CNTN5: variants seen among roughly 807,000 people sequenced by gnomAD.
The protein encoded by CNTN5 is contactin-5.
CNTN5 carries 77 observed loss-of-function variants against 129.1 expected under a neutral mutation model. The observed-to-expected ratio is 0.60, with a 90% CI of 0.50 to 0.72. The LOEUF (loss-of-function observed/expected upper bound fraction) is 0.72. CNTN5 is among the 30% of genes least tolerant of loss of function. CNTN5 has a pLI of 0.00. For missense variants in CNTN5, 1,478 were observed against 1,328.8 expected, an observed-to-expected ratio of 1.11 and a Z score of -1.75; for synonymous variants, 509 against 465.6, an observed-to-expected ratio of 1.09 and a Z score of -1.20.
chr11:100,316,597 T>G (rs1475846226), intron 21 of CNTN5, among the ~76,000 whole-genome samples: 1 of 152,186 alleles, frequency 6.6e-6, no homozygotes, highest in Non-Finnish European at 1.5e-5. Context: ...TTTCCTTTAT[T>G]TTCTAAATAA....
At chr11:100,343,177 G>A (rs1005181531) in intron 23 of CNTN5, among the ~76,000 whole-genome samples, 1 of 152,168 alleles carries the variant, frequency 6.6e-6, no homozygotes, top group Non-Finnish European at 1.5e-5. Context: ...AGTCATGTTG[G>A]AATACCTTGT....
At chr11:99,823,580 C>T (rs566415890) in intron 4 of CNTN5, among the ~76,000 whole-genome samples, 6 of 151,980 alleles carry the variant, frequency 3.9e-5, no homozygotes, top group East Asian at 3.9e-4. Context: ...TTTAAGTGCT[C>T]ATAGTTTATA....
At position 99,578,339 on chromosome 11, in the gene CNTN5, T is replaced by A. The variant is rs1054729275; in HGVS notation, c.55+22070T>A. On this transcript the variant is annotated intron_variant, in intron 3 of 24. Coordinates refer to ENST00000524871, the MANE Select transcript of CNTN5 (RefSeq NM_014361.4). ...CATGATTTATAATCCTTTGGGTATA[T>A]ACCCAGTAATGGGATAGTTGGGTCA... Among the ~76,000 whole-genome samples, 37 of 151,502 alleles carry A rather than the reference T, an allele frequency of 2.4e-4. No individual in the cohort carries two copies. In the Middle Eastern group the frequency reaches 0.01, roughly 42 times the overall value.
chr11:99,089,832 C>T (rs1866165945), intron 1 of CNTN5, among the ~76,000 whole-genome samples: 1 of 152,140 alleles, frequency 6.6e-6, no homozygotes, highest in African/African-American at 2.4e-5. Context: ...AAATTGTCAT[C>T]TGGGCTAGCC....
chr11:99,799,077 T>A (rs1402073833), intron 3 of CNTN5, among the ~76,000 whole-genome samples: 1 of 152,118 alleles, frequency 6.6e-6, no homozygotes, highest in Non-Finnish European at 1.5e-5. Context: ...CTGTTATTAG[T>A]ATATAGAAAT....
At chr11:99,739,377 A>G (rs186450662) in intron 3 of CNTN5, among the ~76,000 whole-genome samples, 1 of 152,276 alleles carries the variant, frequency 6.6e-6, no homozygotes, top group East Asian at 1.9e-4. Flanking sequence ...AGAAGTACAT[A>G]GTAGGGAAAG....
intron 1 of CNTN5, among the ~76,000 whole-genome samples, chr11:99,260,372 A>G (rs1284504700): frequency 1.3e-5 from 2 of 151,834 alleles, no homozygotes; most frequent in African/African-American, 4.8e-5. Context: ...TTAAAGATTT[A>G]GAACTTTCTT....
chr11:100,327,823 C>G (rs138827550), intron 21 of CNTN5, among the ~76,000 whole-genome samples: 164 of 152,148 alleles, frequency 1.1e-3, no homozygotes, highest in African/African-American at 3.9e-3. Context: ...AAAAATAAAA[C>G]TGATTAATAG....
chr11:99,074,997 A>C (rs962146533), intron 1 of CNTN5, among the ~76,000 whole-genome samples: 2 of 152,242 alleles, frequency 1.3e-5, no homozygotes, highest in African/African-American at 4.8e-5. Flanking sequence ...TGTATACATA[A>C]GAACAAAAAA....
At position 99,188,381 on chromosome 11, in the gene CNTN5, C is replaced by T. The variant is rs1271271911; in HGVS notation, c.-209-136965C>T. Among the ~76,000 whole-genome samples, 8 of 151,650 alleles carry T rather than the reference C, an allele frequency of 5.3e-5. No individual in the cohort carries two copies. The East Asian group carries it at 1.5e-3, about 29-fold the overall frequency. On this transcript the variant is annotated intron_variant, in intron 1 of 24. Coordinates refer to ENST00000524871, the MANE Select transcript of CNTN5 (RefSeq NM_014361.4). ...AGTCCCTTTCCAATTTCAATCTCAC[C>T]ATCTGTGTACGAGAATGTCCCTTTC...
At chr11:99,258,253 T>A (rs1396326860) in intron 1 of CNTN5, among the ~76,000 whole-genome samples, 2 of 152,016 alleles carry the variant, frequency 1.3e-5, no homozygotes, top group Non-Finnish European at 2.9e-5. Context: ...ATCACCCAAA[T>A]ATTAAGCCTA....
intron 3 of CNTN5, among the ~76,000 whole-genome samples, chr11:99,766,112 AT>A (rs1565505581): frequency 6.6e-6 from 1 of 152,016 alleles, no homozygotes; most frequent in African/African-American, 2.4e-5. Context: ...TTTTATTATG[AT>A]TTAGCTATTA....
chr11:99,313,888 T>A (rs187426084), intron 1 of CNTN5, among the ~76,000 whole-genome samples: 252 of 152,118 alleles, frequency 1.7e-3, no homozygotes, highest in Admixed American at 3.5e-3. Flanking sequence ...TAGACTTTCT[T>A]GACCCAATAA....
At chr11:99,301,016 G>A (rs1400710606) in intron 1 of CNTN5, among the ~76,000 whole-genome samples, 2 of 151,726 alleles carry the variant, frequency 1.3e-5, no homozygotes, top group Non-Finnish European at 1.5e-5. Flanking sequence ...TGATTATTTG[G>A]TATACTATTG....
chr11:100,034,938 C>G (rs149358717), intron 9 of CNTN5, among the ~76,000 whole-genome samples: 2 of 152,148 alleles, frequency 1.3e-5, no homozygotes, highest in East Asian at 1.9e-4. Context: ...AGTGAAGCAA[C>G]AACCATACAA....
In CNTN5 at chr11:99,491,038, A is replaced by G. The variant is rs558685235; in HGVS notation, c.-70-65107A>G. Among the ~76,000 whole-genome samples the G allele has an allele frequency of 5.3e-5, 8 of 152,220 alleles. No homozygotes were observed. In the East Asian group the frequency reaches 1.6e-3, roughly 30 times the overall value. On this transcript the variant is annotated intron_variant, in intron 2 of 24. Transcript: ENST00000524871. ...GTGGGAAGAATACTATATTCCAGAT[A>G]GCACAGCACGGATACACTACTGCCC...
chr11:100,139,552 T>A (rs1946626619), intron 13 of CNTN5, among the ~76,000 whole-genome samples: 1 of 151,984 alleles, frequency 6.6e-6, no homozygotes, highest in Non-Finnish European at 1.5e-5. Flanking sequence ...AAAGTCTCAT[T>A]AGGGCAGTTT....
At chr11:99,615,573 T>C (rs1455020819) in intron 3 of CNTN5, among the ~76,000 whole-genome samples, 1 of 152,138 alleles carries the variant, frequency 6.6e-6, no homozygotes, top group Non-Finnish European at 1.5e-5. Context: ...TTGGGGCTTT[T>C]TGTTTTGAAA....
intron 17 of CNTN5, among the ~76,000 whole-genome samples, chr11:100,269,034 A>C (rs1467396679): frequency 6.6e-6 from 1 of 152,232 alleles, no homozygotes; most frequent in Non-Finnish European, 1.5e-5. Context: ...ATAAATCACC[A>C]TGGAATAAGA....
Sources: gnomAD v4.1 joint callset for allele counts (sites outside exome capture counted in the v4.1 genomes callset) on GRCh38, gnomAD v4.1.1 for gene constraint, MANE v1.5 for transcripts, NCBI Gene and HGNC (gene_info 2026-07-23, HGNC 2026-07-21) for gene names.